Variants in NOL4 observed in about 807,000 individuals in gnomAD.
NOL4 encodes the protein cancer/testis antigen 125.
NOL4 carries 17 observed loss-of-function variants against 75.9 expected under a neutral mutation model. The observed-to-expected ratio is 0.22, with a 90% CI of 0.15 to 0.34. NOL4 has a LOEUF of 0.34. Ranked by LOEUF, NOL4 falls within the 10% of genes least tolerant of loss-of-function variation. The pLI is 1.00. For synonymous variants in NOL4, 292 were observed against 289.9 expected (o/e 1.01, Z -0.07); for missense variants, 614 against 793.5 (o/e 0.77, Z 2.72).
intron 5 of NOL4, among the ~76,000 whole-genome samples, chr18:34,068,121 T>C (rs904516686): frequency 2.1e-4 from 32 of 152,262 alleles, no homozygotes; most frequent in South Asian, 4.1e-4. Context: ...CCTCTTAGGC[T>C]TCCATACATG....
In NOL4 at chr18:33,867,938, CTCT is replaced by C. The variant is rs564081151; in HGVS notation, c.1724-14906_1724-14904del. Among the ~76,000 whole-genome samples, 300 of 152,200 alleles carry C rather than the reference CTCT, an allele frequency of 2.0e-3. 1 individual carries two copies. Among genetic ancestry groups the C allele is most frequent in the Non-Finnish European group, 3.1e-3 (212 of 68,004 alleles). ...TCAAGAAGTCATGCAGGAGAATTCC[CTCT>C]TATTAAACCTTTTTTGTCCTTCTCA... On this transcript the variant is annotated intron_variant, in intron 10 of 10. Coordinates refer to ENST00000261592, the MANE Select transcript of NOL4 (RefSeq NM_003787.5).
At chr18:33,988,913 C>T (rs2072694247) in intron 6 of NOL4, among the ~76,000 whole-genome samples, 1 of 151,834 alleles carries the variant, frequency 6.6e-6, no homozygotes, top group Non-Finnish European at 1.5e-5. Context: ...AAATTATTGG[C>T]AAGACTGGGC....
At chr18:33,896,285 T>C (rs899553419) in intron 9 of NOL4, among the ~76,000 whole-genome samples, 3 of 151,914 alleles carry the variant, frequency 2.0e-5, no homozygotes, top group African/African-American at 7.2e-5. Context: ...ATTCTTCACA[T>C]AACTAGAAAA....
chr18:34,105,006 G>A, intron 3 of NOL4, 43 bp downstream of exon 3: 3 of 1,232,250 alleles, frequency 2.4e-6, no homozygotes, highest in Non-Finnish European at 3.6e-6. Context: ...TGGCCATTAT[G>A]AATAAAATTA....
intron 2 of NOL4, among the ~76,000 whole-genome samples, chr18:34,106,704 C>T (rs1402996635): frequency 4.0e-5 from 6 of 151,564 alleles, no homozygotes; most frequent in African/African-American, 1.5e-4. Context: ...CTCTCTCTTT[C>T]CCTATAAACA....
chr18:33,878,995 A>G (rs1429248147), intron 10 of NOL4, among the ~76,000 whole-genome samples: 1 of 152,138 alleles, frequency 6.6e-6, no homozygotes, highest in East Asian at 1.9e-4. Context: ...CTTCAAACTT[A>G]TGGAGTCAAA....
intron 5 of NOL4, among the ~76,000 whole-genome samples, chr18:34,051,781 T>TGA (rs977587368): frequency 1.6e-4 from 25 of 152,054 alleles, no homozygotes; most frequent in African/African-American, 6.0e-4. Flanking sequence ...TGCTAGTGTG[T>TGA]GAGAGAGTGT....
intron 10 of NOL4, among the ~76,000 whole-genome samples, chr18:33,861,374 C>T (rs1008278423): frequency 1.7e-4 from 26 of 152,122 alleles, no homozygotes; most frequent in Non-Finnish European, 3.5e-4. Flanking sequence ...AGAGTGTATG[C>T]GTCAAGGAAT....
chr18:33,979,251 C>A (rs1187129071), intron 6 of NOL4, among the ~76,000 whole-genome samples: 1 of 151,946 alleles, frequency 6.6e-6, no homozygotes, highest in Non-Finnish European at 1.5e-5. Flanking sequence ...ACCCCCCATT[C>A]CCCTTTAGAG....
At position 34,105,031 on chromosome 18, in the gene NOL4, A is replaced by G. The variant is rs552716852; in HGVS notation, c.526+18T>C. 8 of 1,473,836 alleles carry G rather than the reference A, an allele frequency of 5.4e-6. No homozygotes were observed. The highest frequency in any genetic ancestry group is 4.2e-5 in the African/African-American group (3 of 72,102). The allele number at this position is 1,473,836 out of a possible 1,614,324, so 91.3% of individuals were successfully genotyped here. ...GAATAAAATTACTTTAAATCTCACT[A>G]TTTGACACTGCAGCTACCTTTATGA... is the stretch of plus-strand genomic sequence containing the variant. On this transcript the variant is annotated intron_variant, in intron 3 of 10. Transcript: ENST00000261592.
At chr18:33,970,160 T>A (rs2070936602) in intron 6 of NOL4, among the ~76,000 whole-genome samples, 1 of 152,174 alleles carries the variant, frequency 6.6e-6, no homozygotes, top group Non-Finnish European at 1.5e-5. Flanking sequence ...TACATGTAAT[T>A]CAAATAAGTA....
chr18:33,898,144 C>T (rs1362962982), intron 9 of NOL4, among the ~76,000 whole-genome samples: 1 of 152,152 alleles, frequency 6.6e-6, no homozygotes, highest in Non-Finnish European at 1.5e-5. Flanking sequence ...AACTCCTGAG[C>T]TCAAGCAATC....
At chr18:34,165,202 G>T (rs1375160014) in intron 1 of NOL4, among the ~76,000 whole-genome samples, 4 of 151,368 alleles carry the variant, frequency 2.6e-5, no homozygotes, top group East Asian at 1.9e-4. Flanking sequence ...TAACTAACCT[G>T]CACATTGTGC....
At chr18:34,162,667 G>A (rs2031690562) in intron 1 of NOL4, among the ~76,000 whole-genome samples, 1 of 152,174 alleles carries the variant, frequency 6.6e-6, no homozygotes, top group Non-Finnish European at 1.5e-5. Context: ...GAGGTACAAG[G>A]AGGAACTGGT....
chr18:34,144,835 C>T (rs2081333577), intron 1 of NOL4, among the ~76,000 whole-genome samples: 1 of 152,068 alleles, frequency 6.6e-6, no homozygotes, highest in Non-Finnish European at 1.5e-5. Flanking sequence ...GGCTGACATG[C>T]AGTTCTCCAT....
At chr18:33,853,443 A>T (rs1043569379) in intron 10 of NOL4, among the ~76,000 whole-genome samples, 1 of 152,106 alleles carries the variant, frequency 6.6e-6, no homozygotes, top group Non-Finnish European at 1.5e-5. Flanking sequence ...GACCGCATCA[A>T]TTTGCAATTT....
At chr18:34,006,502 A>G (rs1346308993) in intron 6 of NOL4, among the ~76,000 whole-genome samples, 5 of 152,082 alleles carry the variant, frequency 3.3e-5, no homozygotes, top group African/African-American at 1.2e-4. Context: ...TGGGGTAACC[A>G]GCCAGCTATC....
chr18:33,857,160 C>T (rs1016835723), intron 10 of NOL4, among the ~76,000 whole-genome samples: 1 of 151,930 alleles, frequency 6.6e-6, no homozygotes, highest in Non-Finnish European at 1.5e-5. Context: ...TAATTACTTC[C>T]TATTAAAGTT....
intron 1 of NOL4, among the ~76,000 whole-genome samples, chr18:34,164,640 G>C (rs2032055703): frequency 6.6e-6 from 1 of 152,042 alleles, no homozygotes; most frequent in Non-Finnish European, 1.5e-5. Context: ...TACACTGTTG[G>C]TGGGACTGTA....
Sources: allele counts gnomAD v4.1 joint callset (sites outside exome capture counted in the v4.1 genomes callset), GRCh38; gene constraint gnomAD v4.1.1; transcripts MANE v1.5; gene names NCBI Gene and HGNC (gene_info 2026-07-23, HGNC 2026-07-21).